TAFA1: variants seen among roughly 807,000 people sequenced by gnomAD.
TAFA1 encodes the protein TAFA chemokine like family member 1, also known as chemokine-like protein TAFA-1.
Under a neutral mutation model 18.5 loss-of-function variants are expected in TAFA1, and 4 were observed. The observed-to-expected ratio is 0.22, with a 90% CI of 0.11 to 0.49. TAFA1 has a LOEUF of 0.49. Ranked by LOEUF, TAFA1 falls within the 20% of genes least tolerant of loss-of-function variation. The pLI is 0.98. For synonymous variants in TAFA1, 56 were observed against 55.2 expected (o/e 1.01, Z -0.06); for missense variants, 147 against 169.0 (o/e 0.87, Z 0.72).
At position 68,337,060 on chromosome 3, in the gene TAFA1, C is replaced by G. The variant is rs187894021; in HGVS notation, c.119-80220C>G. 3.0e-4 allele frequency among the ~76,000 whole-genome samples: 46 copies of G among 152,264 alleles called. No individual in the cohort carries two copies. The East Asian group carries it at 6.0e-3, about 20-fold the overall frequency. On this transcript the variant is annotated intron_variant, in intron 2 of 4. Transcript: ENST00000478136. The stretch of plus-strand genomic sequence containing the variant: ...ATTTAGATTAGTTGGAGTATTACCC[C>G]CTTTTCCAGGCTTATTGAGATATAG...
At chr3:68,014,067 T>A (rs1704524783) in intron 2 of TAFA1, among the ~76,000 whole-genome samples, 1 of 152,216 alleles carries the variant, frequency 6.6e-6, no homozygotes, top group Admixed American at 6.5e-5. Flanking sequence ...AGGTGTGCTT[T>A]CATATCACAC....
At chr3:68,059,914 G>A (rs2064580308) in intron 2 of TAFA1, among the ~76,000 whole-genome samples, 1 of 152,076 alleles carries the variant, frequency 6.6e-6, no homozygotes, top group Admixed American at 6.6e-5. Context: ...CTATTCCTGG[G>A]AGGCAGCTGG....
chr3:68,000,453 A>G (rs575617877), upstream of TAFA1, among the ~76,000 whole-genome samples: 7 of 152,340 alleles, frequency 4.6e-5, no homozygotes, highest in African/African-American at 1.7e-4. Flanking sequence ...AAGTTTCTCC[A>G]TCCTATTCAA....
At chr3:68,538,025 T>C (rs1190870438) in intron 3 of TAFA1, among the ~76,000 whole-genome samples, 1 of 152,058 alleles carries the variant, frequency 6.6e-6, no homozygotes, top group African/African-American at 2.4e-5. Context: ...ATGGGGAATG[T>C]TGATTGGGGT....
At chr3:68,321,768 C>T (rs963958122) in intron 2 of TAFA1, among the ~76,000 whole-genome samples, 1 of 152,170 alleles carries the variant, frequency 6.6e-6, no homozygotes, top group Non-Finnish European at 1.5e-5. Context: ...CAGCCCACTT[C>T]AGTCTCCATC....
chr3:68,274,502 G>A (rs891619838), intron 2 of TAFA1, among the ~76,000 whole-genome samples: 4 of 152,182 alleles, frequency 2.6e-5, no homozygotes, highest in Non-Finnish European at 4.4e-5. Context: ...TCACAGTGTG[G>A]TTTGCAAAAA....
intron 2 of TAFA1, among the ~76,000 whole-genome samples, chr3:68,242,607 A>C (rs144433667): frequency 6.6e-6 from 1 of 152,292 alleles, no homozygotes; most frequent in East Asian, 1.9e-4. Context: ...ATTAAAAACT[A>C]TTTTGAGAGT....
At chr3:68,060,991 C>T (rs925129159) in intron 2 of TAFA1, among the ~76,000 whole-genome samples, 11 of 152,148 alleles carry the variant, frequency 7.2e-5, no homozygotes, top group African/African-American at 2.4e-4. Flanking sequence ...TGACCATATT[C>T]CTCTTTAGCG....
At chr3:68,482,605 C>T (rs1056701848) in intron 3 of TAFA1, among the ~76,000 whole-genome samples, 4 of 152,154 alleles carry the variant, frequency 2.6e-5, no homozygotes, top group East Asian at 1.9e-4. Context: ...CTTTCATTTC[C>T]TACTTCTCCT....
At chr3:68,314,754 T>C (rs1053647257) in intron 2 of TAFA1, among the ~76,000 whole-genome samples, 1 of 152,036 alleles carries the variant, frequency 6.6e-6, no homozygotes, top group Non-Finnish European at 1.5e-5. Flanking sequence ...TCAGCCCAGC[T>C]TCCCCATCTT....
chr3:68,482,573 A>G (rs565723684), intron 3 of TAFA1, among the ~76,000 whole-genome samples: 3 of 152,354 alleles, frequency 2.0e-5, no homozygotes, highest in South Asian at 4.1e-4. Context: ...GGTAGCAGGT[A>G]TCCATGAGTT....
intron 2 of TAFA1, among the ~76,000 whole-genome samples, chr3:68,321,269 C>G (rs1331671792): frequency 6.6e-6 from 1 of 152,140 alleles, no homozygotes; most frequent in Non-Finnish European, 1.5e-5. Flanking sequence ...ATTATTACCC[C>G]TCTTGGTCAT....
At chr3:68,249,018 CTT>C (rs1029505326) in intron 2 of TAFA1, among the ~76,000 whole-genome samples, 1 of 152,102 alleles carries the variant, frequency 6.6e-6, no homozygotes, top group Non-Finnish European at 1.5e-5. Context: ...AACCACAGAT[CTT>C]ATTTGCTGGC....
At chr3:68,005,240 C>T (rs1704337401) in intron 1 of TAFA1, among the ~76,000 whole-genome samples, 2 of 152,082 alleles carry the variant, frequency 1.3e-5, no homozygotes, top group South Asian at 4.1e-4. Context: ...CCCAATAGTT[C>T]TGAAAACAAT....
chr3:68,324,958 T>A (rs2068753821), intron 2 of TAFA1, among the ~76,000 whole-genome samples: 1 of 152,140 alleles, frequency 6.6e-6, no homozygotes, highest in Admixed American at 6.5e-5. Context: ...CCAGTCTTCA[T>A]CACAGTCACA....
At chr3:68,166,947 C>G (rs1049562453) in intron 2 of TAFA1, among the ~76,000 whole-genome samples, 1 of 152,110 alleles carries the variant, frequency 6.6e-6, no homozygotes, top group African/African-American at 2.4e-5. Flanking sequence ...TGTAAACTGG[C>G]CACCTCTGGC....
At chr3:68,503,214 C>T (rs577273791) in intron 3 of TAFA1, among the ~76,000 whole-genome samples, 167 of 152,112 alleles carry the variant, frequency 1.1e-3, no homozygotes, top group Non-Finnish European at 1.9e-3. Context: ...TACCTTCAGG[C>T]TGTGTATAAG....
chr3:68,129,525 A>G (rs566098401), intron 2 of TAFA1, among the ~76,000 whole-genome samples: 29 of 152,332 alleles, frequency 1.9e-4, no homozygotes, highest in Middle Eastern at 3.4e-3. Context: ...GGTGTCTTTC[A>G]TAAGCATCCC....
intron 2 of TAFA1, among the ~76,000 whole-genome samples, chr3:68,362,261 G>A (rs1430859966): frequency 1.3e-5 from 2 of 152,018 alleles, no homozygotes; most frequent in East Asian, 3.9e-4. Flanking sequence ...TGTGTATTGG[G>A]CACAAGCCAT....
Sources: allele counts gnomAD v4.1 joint callset (sites outside exome capture counted in the v4.1 genomes callset), GRCh38; gene constraint gnomAD v4.1.1; transcripts MANE v1.5; gene names NCBI Gene and HGNC (gene_info 2026-07-23, HGNC 2026-07-21).